The following DMGDH variants were observed in gnomAD, a reference collection of about 807,000 sequenced individuals.
DMGDH encodes the protein dimethylglycine dehydrogenase, mitochondrial.
A neutral mutation model predicts 95.2 loss-of-function variants in DMGDH; 76 were observed. The observed-to-expected ratio is 0.80, with a 90% confidence interval of 0.66 to 0.97. The LOEUF (loss-of-function observed/expected upper bound fraction) is 0.97. Ranked by LOEUF, DMGDH falls within the 50% of genes least tolerant of loss-of-function variation. DMGDH has a pLI of 0.00. For missense variants in DMGDH, 987 were observed against 1,055.0 expected, an observed-to-expected ratio of 0.94 and a Z score of 0.89; for synonymous variants, 345 against 377.6, an observed-to-expected ratio of 0.91 and a Z score of 1.00.
intron 14 of DMGDH, among the ~76,000 whole-genome samples, chr5:79,014,721 T>C (rs1015363283): frequency 2.6e-5 from 4 of 152,232 alleles, no homozygotes; most frequent in South Asian, 2.1e-4. Context: ...CTAATACTTA[T>C]GACAAATTTA....
chr5:79,065,109 G>C (rs1296856299), intron 1 of DMGDH, among the ~76,000 whole-genome samples: 4 of 151,896 alleles, frequency 2.6e-5, no homozygotes, highest in African/African-American at 9.7e-5. Context: ...GCATACACAG[G>C]GTCAGGATCA....
At chr5:79,002,970 A>T (rs927251444) in intron 15 of DMGDH, among the ~76,000 whole-genome samples, 1 of 152,272 alleles carries the variant, frequency 6.6e-6, no homozygotes, top group Non-Finnish European at 1.5e-5. Flanking sequence ...CAGTATATGC[A>T]TAGGGCAAAG....
intron 1 of DMGDH, among the ~76,000 whole-genome samples, chr5:79,064,144 G>A (rs1755298343): frequency 6.6e-6 from 1 of 152,060 alleles, no homozygotes; most frequent in Non-Finnish European, 1.5e-5. Context: ...CTTGAGCCCA[G>A]GAGTTCAAGA....
At chr5:79,051,187 A>G in intron 5 of DMGDH, 100 bp downstream of exon 5, 3 of 1,284,934 alleles carry the variant, frequency 2.3e-6, no homozygotes, top group East Asian at 2.3e-5. Flanking sequence ...GGAGCATCAC[A>G]GTGCTTCATG....
At position 78,997,680 on chromosome 5, in the gene DMGDH, G is replaced by T; in HGVS notation, c.*402C>A. 1 of 192,732 alleles carries T rather than the reference G, an allele frequency of 5.2e-6. No homozygotes were observed. Among genetic ancestry groups the T allele is most frequent in the South Asian group, 9.7e-5 (1 of 10,270 alleles). 11.9% of individuals were successfully genotyped at this position (192,732 alleles called of 1,614,324 possible). A position where few individuals can be genotyped will look rare whatever the true frequency, so the allele number is the denominator to read the frequency against. ...AAGAAGTAAATCCATAAACAATATT[G>T]TACATGTTTTTATGTAAAAGATAAT... On this transcript the variant is annotated 3_prime_UTR_variant, in exon 16 of 16. Transcript: ENST00000255189.
In DMGDH at chr5:79,028,708, T is replaced by C. The variant is rs563695848; in HGVS notation, c.1815-58A>G. The C allele has an allele frequency of 5.8e-6, 9 of 1,548,562 alleles. No individual in the cohort carries two copies. In the East Asian group the frequency reaches 2.0e-4, roughly 35 times the overall value. ...TTGCTTGAATAATGTACTTTGGTAA[T>C]AAATTATCTCTCTGAAGACATGCTT... On this transcript the variant is annotated intron_variant, in intron 11 of 15. Transcript: ENST00000255189.
At chr5:79,011,387 A>G (rs1384192711) in intron 14 of DMGDH, among the ~76,000 whole-genome samples, 2 of 152,218 alleles carry the variant, frequency 1.3e-5, no homozygotes, top group Non-Finnish European at 2.9e-5. Flanking sequence ...TTCCTTTTCC[A>G]CTATTCAGAG....
chr5:79,021,699 A>G (rs77579603), intron 14 of DMGDH: 132 of 1,296,974 alleles, frequency 1.0e-4, no homozygotes, highest in Non-Finnish European at 1.3e-4. Context: ...AAAACACAAA[A>G]TTAGTTACAG....
At chr5:79,009,935 T>C (rs192599162) in intron 14 of DMGDH, among the ~76,000 whole-genome samples, 2 of 152,204 alleles carry the variant, frequency 1.3e-5, no homozygotes, top group East Asian at 1.9e-4. Flanking sequence ...AGAACAGAAG[T>C]ATATTTCTTT....
At chr5:79,009,360 C>CTTTTTTTTT (rs372464439) in intron 14 of DMGDH, among the ~76,000 whole-genome samples, 2 of 107,744 alleles carry the variant, frequency 1.9e-5, no homozygotes, top group African/African-American at 6.8e-5. Context: ...CTTTTCTTTT[C>CTTTTTTTTT]TTTTCTTTTT....
At chr5:79,034,876 T>C (rs1214300793) in intron 7 of DMGDH, among the ~76,000 whole-genome samples, 1 of 151,608 alleles carries the variant, frequency 6.6e-6, no homozygotes, top group African/African-American at 2.4e-5. Context: ...GCTAACACGG[T>C]GAAACCCCGT....
At chr5:79,004,526 T>G (rs551301556) in intron 15 of DMGDH, among the ~76,000 whole-genome samples, 1 of 152,260 alleles carries the variant, frequency 6.6e-6, no homozygotes, top group South Asian at 2.1e-4. Context: ...CTCCCCATGG[T>G]CTAAGCTGGG....
intron 1 of DMGDH, among the ~76,000 whole-genome samples, chr5:79,065,260 C>T (rs374867583): frequency 3.3e-5 from 5 of 150,626 alleles, no homozygotes; most frequent in African/African-American, 1.2e-4. Flanking sequence ...ACTCTGTCAC[C>T]CAGGCTGGAG....
intron 13 of DMGDH, among the ~76,000 whole-genome samples, chr5:79,024,676 G>T (rs1753950872): frequency 6.6e-6 from 1 of 152,194 alleles, no homozygotes; most frequent in South Asian, 2.1e-4. Flanking sequence ...ACTACGTTTT[G>T]AAAAGTTATT....
In DMGDH at chr5:79,054,460, TGAAA is replaced by T. The variant is rs1385667517; in HGVS notation, c.376-116_376-113del. ...GCTGTACAAAAAGATTTATTACGAG[TGAAA>T]GAAATAACTATTAAAATATTTGCAT... On this transcript the variant is annotated intron_variant, in intron 3 of 15. Coordinates refer to ENST00000255189, the MANE Select transcript of DMGDH (RefSeq NM_013391.3). The T allele has an allele frequency of 3.7e-6, 4 of 1,069,720 alleles. No individual in the cohort carries two copies. In the African/African-American group the frequency reaches 4.7e-5, roughly 13 times the overall value. 66.3% of individuals were successfully genotyped at this position (1,069,720 alleles called of 1,614,324 possible).
Position 79,064,440 on chromosome 5 carries a change from T to C in DMGDH, c.102-653A>G, listed in dbSNP as rs1158880291. ...AAGCTTGTAGGACTGGAAGTTGCTC[T>C]AGATGAGTCTGAGTGAGAGGTGAGT... On this transcript the variant is annotated intron_variant, in intron 1 of 15. Transcript: ENST00000255189. Among the ~76,000 whole-genome samples, 5 of 152,284 alleles carry C rather than the reference T, an allele frequency of 3.3e-5. No homozygotes were observed. In the East Asian group the frequency reaches 9.6e-4, roughly 29 times the overall value.
chr5:79,001,416 G>C (rs1753451733), intron 15 of DMGDH, among the ~76,000 whole-genome samples: 1 of 152,174 alleles, frequency 6.6e-6, no homozygotes, highest in Admixed American at 6.5e-5. Flanking sequence ...GCCCGCCTTG[G>C]CCTCCCAAAG....
chr5:78,999,777 A>G (rs1290061100), intron 15 of DMGDH, among the ~76,000 whole-genome samples: 1 of 152,212 alleles, frequency 6.6e-6, no homozygotes, highest in Non-Finnish European at 1.5e-5. Flanking sequence ...GGTATAACAC[A>G]TGCTTTAAAA....
chr5:79,063,199 C>T (rs1345532647), intron 2 of DMGDH, among the ~76,000 whole-genome samples: 1 of 152,144 alleles, frequency 6.6e-6, no homozygotes, highest in Non-Finnish European at 1.5e-5. Flanking sequence ...CATATCCAGG[C>T]TCACCCAGAC....
Sources: allele counts gnomAD v4.1 joint callset (sites outside exome capture counted in the v4.1 genomes callset), GRCh38; gene constraint gnomAD v4.1.1; transcripts MANE v1.5; gene names NCBI Gene and HGNC (gene_info 2026-07-23, HGNC 2026-07-21).